The following CCNJL variants were observed in gnomAD, a reference collection of about 807,000 sequenced individuals.
CCNJL encodes cyclin J like.
Under a neutral mutation model 33.4 loss-of-function variants are expected in CCNJL, and 33 were observed. The observed-to-expected ratio is 0.99, with a 90% confidence interval of 0.75 to 1.32. CCNJL has a LOEUF of 1.32. Among genes scored for constraint, CCNJL ranks in the 40% most tolerant of loss-of-function variants. The probability of loss-of-function intolerance (pLI) is 0.00; values close to 1 mark genes in which losing one functional copy is unlikely to be tolerated. For missense variants in CCNJL, 512 were observed against 499.7 expected, an observed-to-expected ratio of 1.02 and a Z score of -0.23; for synonymous variants, 227 against 220.9, an observed-to-expected ratio of 1.03 and a Z score of -0.24.
At chr5:160,257,301 C>G (rs1761110839) in intron 4 of CCNJL, among the ~76,000 whole-genome samples, 1 of 151,784 alleles carries the variant, frequency 6.6e-6, no homozygotes, top group Non-Finnish European at 1.5e-5. Flanking sequence ...CGGTGAAACC[C>G]CAACTCTACT....
At chr5:160,279,556 C>T (rs147358649) in intron 3 of CCNJL, among the ~76,000 whole-genome samples, 29 of 152,296 alleles carry the variant, frequency 1.9e-4, no homozygotes, top group African/African-American at 5.3e-4. Flanking sequence ...AAGCACATGA[C>T]GCTGAGGGTC....
At chr5:160,256,239 C>T (rs1224457998) in intron 4 of CCNJL, among the ~76,000 whole-genome samples, 2 of 152,138 alleles carry the variant, frequency 1.3e-5, no homozygotes, top group Non-Finnish European at 2.9e-5. Context: ...AAAATACTGT[C>T]CACGGCTCCC....
intron 3 of CCNJL, among the ~76,000 whole-genome samples, chr5:160,275,878 G>A (rs888831596): frequency 2.0e-5 from 3 of 152,018 alleles, no homozygotes; most frequent in South Asian, 4.1e-4. Context: ...AACCTCCAAG[G>A]TGTCTCAAAA....
intron 2 of CCNJL, among the ~76,000 whole-genome samples, chr5:160,284,662 C>T (rs1762348436): frequency 6.6e-6 from 1 of 152,240 alleles, no homozygotes; most frequent in African/African-American, 2.4e-5. Flanking sequence ...CTGGCCTGAT[C>T]CTCCAGAGAG....
At chr5:160,298,926 AG>A (rs1386076392) in intron 2 of CCNJL, among the ~76,000 whole-genome samples, 2 of 152,216 alleles carry the variant, frequency 1.3e-5, no homozygotes, top group Non-Finnish European at 2.9e-5. Flanking sequence ...CAGGCAGGGT[AG>A]GGGACCATTG....
chr5:160,297,201 T>A (rs528546669), intron 2 of CCNJL, among the ~76,000 whole-genome samples: 1 of 152,160 alleles, frequency 6.6e-6, no homozygotes, highest in Non-Finnish European at 1.5e-5. Context: ...AGGTTTTGGG[T>A]CATGGTTTCT....
rs746248786 is a variant in CCNJL at position 160,326,689 on chromosome 5, C to T, written n.207-11184G>A. 5 of 884,582 alleles carry T rather than the reference C, an allele frequency of 5.7e-6. No individual in the cohort carries two copies. In the Admixed American group the frequency reaches 7.0e-5, roughly 12 times the overall value. 54.8% of individuals were successfully genotyped at this position (884,582 alleles called of 1,614,324 possible). A position where few individuals can be genotyped will look rare whatever the true frequency, so the allele number is the denominator to read the frequency against. ...GGTGGGTGTGCTCTTTGTGAAATTCCACCATGGCATACCATGGCCAGGGCC... is the reference window on the plus strand; with the variant it reads ...GGTGGGTGTGCTCTTTGTGAAATTCTACCATGGCATACCATGGCCAGGGCC... On this transcript the variant is annotated intron_variant and non_coding_transcript_variant, in intron 1 of 7. Transcript: ENST00000377503.
At chr5:160,264,241 T>C (rs1184837440) in intron 3 of CCNJL, among the ~76,000 whole-genome samples, 1 of 152,118 alleles carries the variant, frequency 6.6e-6, no homozygotes, top group Admixed American at 6.5e-5. Flanking sequence ...AACATACTTA[T>C]AAGATTAAAA....
chr5:160,322,750 A>G (rs1250373098), intron 1 of CCNJL, among the ~76,000 whole-genome samples: 1 of 149,362 alleles, frequency 6.7e-6, no homozygotes, highest in Non-Finnish European at 1.5e-5. Flanking sequence ...TACTAAAGCT[A>G]CAAAAATTAG....
At chr5:160,329,429 C>A (rs1763579693) in intron 1 of CCNJL, among the ~76,000 whole-genome samples, 1 of 151,142 alleles carries the variant, frequency 6.6e-6, no homozygotes, top group South Asian at 2.1e-4. Flanking sequence ...CGGCTCACTG[C>A]AAGCTCCACC....
chr5:160,269,549 G>A, intron 3 of CCNJL: 1 of 453,690 alleles, frequency 2.2e-6, no homozygotes. Context: ...TCCGACCTAT[G>A]CGGGGAACAG....
At chr5:160,295,654 G>C (rs1441699919) in intron 2 of CCNJL, among the ~76,000 whole-genome samples, 2 of 152,140 alleles carry the variant, frequency 1.3e-5, no homozygotes, top group African/African-American at 2.4e-5. Context: ...ACAAGGAGGA[G>C]AAGGCCTTGT....
chr5:160,276,265 A>G (rs1159063249), intron 3 of CCNJL: 1 of 124,924 alleles, frequency 8.0e-6, no homozygotes, highest in African/African-American at 3.1e-5. Context: ...ATAGTGGGAC[A>G]TACCTGTAGT....
In CCNJL at chr5:160,265,632, C is replaced by CT. The variant is rs1440111575; in HGVS notation, c.281-5862dup. 6.8e-5 allele frequency among the ~76,000 whole-genome samples: 10 copies of CT among 146,834 alleles called. No individual in the cohort carries two copies. In the East Asian group the frequency reaches 2.0e-3, roughly 30 times the overall value. On this transcript the variant is annotated intron_variant, in intron 3 of 5. Transcript: ENST00000257536. ...CCTGGGCAACAGAGTGAGACTCCAT[C>CT]TCAAAAAAAAAAGGAAATGCAATGC...
intron 2 of CCNJL, among the ~76,000 whole-genome samples, chr5:160,297,097 A>G (rs1369154583): frequency 6.6e-6 from 1 of 152,184 alleles, no homozygotes; most frequent in Non-Finnish European, 1.5e-5. Context: ...GTGGACTATC[A>G]TTACTAACAT....
intron 2 of CCNJL, among the ~76,000 whole-genome samples, chr5:160,303,744 G>T (rs1191205995): frequency 3.3e-5 from 5 of 149,462 alleles, no homozygotes; most frequent in African/African-American, 7.4e-5. Flanking sequence ...GTGTGTGTGT[G>T]TAATAACTCA....
intron 2 of CCNJL, among the ~76,000 whole-genome samples, chr5:160,296,428 C>A (rs867363961): frequency 5.9e-5 from 9 of 152,262 alleles, no homozygotes; most frequent in Admixed American, 5.2e-4. Context: ...AAATCTTCCA[C>A]GCTTTTTGTT....
intron 3 of CCNJL, among the ~76,000 whole-genome samples, chr5:160,266,342 G>GAGA (rs1761586291): frequency 6.6e-6 from 1 of 152,262 alleles, no homozygotes; most frequent in Non-Finnish European, 1.5e-5. Context: ...TGATGCTAAT[G>GAGA]CTTTTTTCTC....
At chr5:160,261,605 G>A (rs1335143593) in intron 3 of CCNJL, among the ~76,000 whole-genome samples, 2 of 152,074 alleles carry the variant, frequency 1.3e-5, no homozygotes, top group Admixed American at 1.3e-4. Context: ...GGCTCTATTG[G>A]CTTTGGCAGC....
Sources: allele counts gnomAD v4.1 joint callset (sites outside exome capture counted in the v4.1 genomes callset), GRCh38; gene constraint gnomAD v4.1.1; transcripts MANE v1.5; gene names NCBI Gene and HGNC (gene_info 2026-07-23, HGNC 2026-07-21).